The following TBC1D14 variants were observed in gnomAD, a reference collection of about 807,000 sequenced individuals.
TBC1D14 encodes TBC1 domain family member 14.
Under a neutral mutation model 79.0 loss-of-function variants are expected in TBC1D14, and 26 were observed. That is an observed-to-expected ratio of 0.33 (90% CI 0.24 to 0.46). The LOEUF (loss-of-function observed/expected upper bound fraction) is 0.46. TBC1D14 is among the 20% of genes least tolerant of loss of function. TBC1D14 has a pLI of 1.00. For synonymous variants in TBC1D14, 394 were observed against 349.9 expected (o/e 1.13, Z -1.40); for missense variants, 769 against 887.6 (o/e 0.87, Z 1.70).
chr4:6,923,441 A>G lies in TBC1D14; in HGVS notation c.52A>G (p.Ile18Val). Residue 18 changes from isoleucine (I) to valine (V), a missense_variant, in exon 2 of 14, where the codon ATT becomes GTT. By Grantham distance (29) the Ile-to-Val change is conservative. Coordinates refer to ENST00000409757, the MANE Select transcript of TBC1D14 (RefSeq NM_020773.3). Reference sequence around the variant, plus strand: ...TACAAATGGCGTAGCCTTCATGGGTATTCTGGATGGTCGACCAGGAAACCC... The same window carrying G: ...TACAAATGGCGTAGCCTTCATGGGTGTTCTGGATGGTCGACCAGGAAACCC... ...TSTNGVAFMGILDGRPGNPLQ... is the reference protein window; with the variant it reads ...TSTNGVAFMGVLDGRPGNPLQ... The G allele has an allele frequency of 1.2e-6, 2 of 1,614,144 alleles. No individual in the cohort carries two copies. Among genetic ancestry groups the G allele is most frequent in the Non-Finnish European group, 1.7e-6 (2 of 1,180,028 alleles).
intron 13 of TBC1D14, among the ~76,000 whole-genome samples, chr4:7,025,729 A>G (rs2109318435): frequency 6.6e-6 from 1 of 152,344 alleles, no homozygotes; most frequent in African/African-American, 2.4e-5. Context: ...AGGGAGGCCC[A>G]GAGAGGAGGG....
At chr4:7,010,555 TAGTGTG>T (rs1375386941) in intron 10 of TBC1D14, 92 bp from the exon 11 acceptor site, 58 of 1,454,402 alleles carry the variant, frequency 4.0e-5, no homozygotes, top group Non-Finnish European at 5.2e-5. Flanking sequence ...GGGACACTTC[TAGTGTG>T]AGGGTGGTAG....
intron 2 of TBC1D14, among the ~76,000 whole-genome samples, chr4:6,957,126 G>C (rs1170965560): frequency 1.3e-5 from 2 of 152,226 alleles, no homozygotes; most frequent in Non-Finnish European, 2.9e-5. Context: ...TTTGTACTGG[G>C]AGGAAAGTGG....
intron 4 of TBC1D14, among the ~76,000 whole-genome samples, chr4:6,996,113 G>A (rs1719018373): frequency 6.6e-6 from 1 of 152,254 alleles, no homozygotes; most frequent in Admixed American, 6.5e-5. Context: ...TGGGATTGCA[G>A]GCGTGAGCCA....
At chr4:7,003,354 C>T (rs369758095) in intron 7 of TBC1D14, among the ~76,000 whole-genome samples, 8 of 152,214 alleles carry the variant, frequency 5.3e-5, no homozygotes, top group African/African-American at 1.9e-4. Context: ...TCATCCACCT[C>T]CTGCCAAAAT....
At chr4:6,988,168 C>G (rs186446134) in intron 3 of TBC1D14, among the ~76,000 whole-genome samples, 3 of 152,212 alleles carry the variant, frequency 2.0e-5, no homozygotes, top group African/African-American at 4.8e-5. Flanking sequence ...TGGGCTCCCC[C>G]CTCCAAGACA....
intron 2 of TBC1D14, among the ~76,000 whole-genome samples, chr4:6,935,017 T>G (rs987380726): frequency 1.3e-5 from 2 of 152,222 alleles, no homozygotes; most frequent in African/African-American, 4.8e-5. Flanking sequence ...AGGTCGAGGC[T>G]GCAGTGAGCT....
At chr4:6,919,747 A>G (rs1236260576) in intron 1 of TBC1D14, among the ~76,000 whole-genome samples, 3 of 151,864 alleles carry the variant, frequency 2.0e-5, no homozygotes, top group African/African-American at 7.3e-5. Flanking sequence ...CAGCCTCCTG[A>G]GTAGCTAGGA....
At chr4:6,931,577 T>C (rs7668186) in intron 2 of TBC1D14, among the ~76,000 whole-genome samples, 98,336 of 151,526 alleles carry the variant, frequency 0.65, 32,481 homozygotes, top group South Asian at 0.8. Context: ...CTGCAGATGC[T>C]GTCTGCAGAC....
At chr4:6,935,555 C>T (rs1218693782) in intron 2 of TBC1D14, among the ~76,000 whole-genome samples, 2 of 152,002 alleles carry the variant, frequency 1.3e-5, no homozygotes, top group Non-Finnish European at 1.5e-5. Flanking sequence ...CCCTTTTCCT[C>T]TTCCTCCTCT....
intron 13 of TBC1D14, among the ~76,000 whole-genome samples, chr4:7,027,725 AC>A (rs1463936255): frequency 8.8e-5 from 6 of 68,188 alleles, no homozygotes; most frequent in African/African-American, 3.0e-4. Flanking sequence ...ACACACAATC[AC>A]CCCCCACACA....
intron 2 of TBC1D14, among the ~76,000 whole-genome samples, chr4:6,930,738 C>T (rs941450424): frequency 6.7e-6 from 1 of 149,892 alleles, no homozygotes; most frequent in Non-Finnish European, 1.5e-5. Flanking sequence ...GTAGAGGTTG[C>T]AGTGAACTGA....
intron 3 of TBC1D14, among the ~76,000 whole-genome samples, chr4:6,990,079 G>GT (rs1718331645): frequency 6.6e-6 from 1 of 152,182 alleles, no homozygotes; most frequent in South Asian, 2.1e-4. Context: ...GTGTTTTATT[G>GT]TTTTGTTTTT....
In TBC1D14 at chr4:6,963,877, A is replaced by G. The variant is rs564171250; in HGVS notation, c.723-3427A>G. 3.3e-5 allele frequency among the ~76,000 whole-genome samples: 5 copies of G among 150,846 alleles called. No homozygotes were observed. In the East Asian group the frequency reaches 5.9e-4, roughly 18 times the overall value. On this transcript the variant is annotated intron_variant, in intron 2 of 13. Transcript: ENST00000409757. ...AGTGGTGTGATCTCGGCTCACTGCA[A>G]CCTCCGTCTCCCAGGTTCAAGCGAT...
rs965647280 is a variant in TBC1D14, at chr4:7,033,050, AAGT to A, written c.*2661_*2663del. 8 of 152,808 alleles carry A rather than the reference AAGT, an allele frequency of 5.2e-5. No individual in the cohort carries two copies. Among genetic ancestry groups the A allele is most frequent in the African/African-American group, 1.9e-4 (8 of 41,584 alleles). The allele number at this position is 152,808 out of a possible 1,614,324, so 9.5% of individuals were successfully genotyped here. On this transcript the variant is annotated 3_prime_UTR_variant, in exon 14 of 14. Transcript: ENST00000409757. ...TAATTTTATTTAGTAAAGTGTATCA[AAGT>A]AGGACTTTTTTGAATTGTAAATAGG...
Position 7,030,627 on chromosome 4 carries a change from T to G in TBC1D14, c.*235T>G, listed in dbSNP as rs1722960377. The G allele has an allele frequency of 2.2e-6, 1 of 460,050 alleles. No homozygotes were observed. Among genetic ancestry groups the G allele is most frequent in the Admixed American group, 3.4e-5 (1 of 29,668 alleles). 28.5% of individuals were successfully genotyped at this position (460,050 alleles called of 1,614,324 possible). The stretch of plus-strand genomic sequence containing the variant: ...GCTGCTGCGGACCACAGCCAGCCAC[T>G]GCATCTGCTGCACAGTTGAACGATG... On this transcript the variant is annotated 3_prime_UTR_variant, in exon 14 of 14. Transcript: ENST00000409757.
rs1476135677 is a variant in TBC1D14, at chr4:7,011,744, G to T, written c.1647+963G>T. ...GCTAATTTTTTGTATTTTTAGTAGA[G>T]ATGGGGTTTTGCCATGTTGGCCAGG... On this transcript the variant is annotated intron_variant, in intron 11 of 13. Coordinates refer to ENST00000409757, the MANE Select transcript of TBC1D14 (RefSeq NM_020773.3). 2.0e-5 allele frequency among the ~76,000 whole-genome samples: 3 copies of T among 151,674 alleles called. No individual in the cohort carries two copies. The East Asian group carries it at 5.9e-4, about 30-fold the overall frequency.
At chr4:7,018,250 A>G (rs1040005146) in intron 12 of TBC1D14, among the ~76,000 whole-genome samples, 12 of 152,220 alleles carry the variant, frequency 7.9e-5, no homozygotes, top group Non-Finnish European at 1.3e-4. Flanking sequence ...TCCAGGGCTC[A>G]GCAGCTAACT....
chr4:6,923,710 G>GCCATCCTGTGCGCCA lies in TBC1D14; in HGVS notation c.325_339dup (p.Ser109_Pro113dup), dbSNP rs1282236435. 6.2e-7 allele frequency: 1 copy of GCCATCCTGTGCGCCA among 1,613,722 alleles called. No homozygotes were observed. The highest frequency in any genetic ancestry group is 1.3e-5 in the African/African-American group (1 of 74,944). ...GGGCCTTCCAGAGCGCCTGCGCGCTGCCATCCTGTGCGCCACCAGCTCCTA... is the reference window on the plus strand; with the variant it reads ...GGGCCTTCCAGAGCGCCTGCGCGCTGCCATCCTGTGCGCCACCATCCTGTGCGCCACCAGCTCCTA... On this transcript the variant is annotated inframe_insertion, in exon 2 of 14. Transcript: ENST00000409757.
Sources: gnomAD v4.1 joint callset for allele counts (sites outside exome capture counted in the v4.1 genomes callset) on GRCh38, gnomAD v4.1.1 for gene constraint, MANE v1.5 for transcripts, NCBI Gene and HGNC (gene_info 2026-07-23, HGNC 2026-07-21) for gene names.